The following GAS5 variants were observed in gnomAD, a reference collection of about 807,000 sequenced individuals.
GAS5 encodes the protein growth arrest specific 5.
chr1:173,866,127 C>T (rs191700140), intron 4 of GAS5: 5 of 496,214 alleles, frequency 1.0e-5, no homozygotes, highest in East Asian at 5.6e-5. Context: ...CCATTTGTGC[C>T]GTAGGAAGTT....
At chr1:173,867,985 A>G (rs1374645716), upstream of GAS5, 1 of 329,848 alleles carries the variant, frequency 3.0e-6, no homozygotes, top group South Asian at 2.4e-5. Flanking sequence ...TCCTACCTCG[A>G]AAAGACAGTA....
chr1:173,867,046 A>T, upstream of GAS5: 1 of 730,912 alleles, frequency 1.4e-6, no homozygotes, highest in South Asian at 1.4e-5. Context: ...CACCATACCT[A>T]AAGAGATCAG....
chr1:173,864,785 G>A (rs1238443933), intron 6 of GAS5: 1 of 517,910 alleles, frequency 1.9e-6, no homozygotes, highest in Non-Finnish European at 3.9e-6. Context: ...TTATAGAATG[G>A]CTATATTCCC....
exon 2 of GAS5, chr1:173,866,781 T>G (rs13476): frequency 1.3e-6 from 1 of 765,168 alleles, no homozygotes; most frequent in African/African-American, 1.7e-5. Flanking sequence ...ATTCTCATCC[T>G]TCCTTGGGGA....
chr1:173,866,550 A>G, exon 3 of GAS5: 1 of 742,540 alleles, frequency 1.3e-6, no homozygotes, highest in Non-Finnish European at 2.5e-6. Context: ...GGCTTGAGTT[A>G]GGCTTGCTCT....
chr1:173,866,201 T>A, exon 4 of GAS5: 1 of 477,852 alleles, frequency 2.1e-6, no homozygotes, highest in Non-Finnish European at 4.2e-6. Context: ...GCTTTCTGTC[T>A]AATGCCTGTA....
At position 173,864,776 on chromosome 1, in the gene GAS5, T is replaced by C. The variant is rs1185395760; in HGVS notation, n.277-472A>G. On this transcript the variant is annotated intron_variant and non_coding_transcript_variant, in intron 6 of 7. Transcript: ENST00000651080. ...GGAGTAATCCAAAATCTCCAAACAT[T>C]ATAGAATGGCTATATTCCCCTTTTC... The C allele has an allele frequency of 1.2e-5, 6 of 517,102 alleles. No homozygotes were observed. The East Asian group carries it at 2.7e-4, about 23-fold the overall frequency. 32.0% of individuals were successfully genotyped at this position (517,102 alleles called of 1,614,324 possible). A position where few individuals can be genotyped will look rare whatever the true frequency, so the allele number is the denominator to read the frequency against.
intron 3 of GAS5, chr1:173,866,222 A>G (rs1009037298): frequency 4.1e-6 from 2 of 484,830 alleles, no homozygotes; most frequent in Non-Finnish European, 8.3e-6. Context: ...ATTTTAATAC[A>G]AAATTGTCAG....
intron 6 of GAS5, chr1:173,864,518 T>C: frequency 2.3e-6 from 1 of 442,664 alleles, no homozygotes; most frequent in Non-Finnish European, 4.5e-6. Context: ...TGTTTGAAGA[T>C]GAAAAATAAT....
At chr1:173,867,190 A>T, upstream of GAS5, 1 of 560,878 alleles carries the variant, frequency 1.8e-6, no homozygotes, top group East Asian at 2.9e-5. Flanking sequence ...GGATACACTT[A>T]ATGTTACAAA....
chr1:173,864,311 G>A (rs1572007884), intron 6 of GAS5: 1 of 514,436 alleles, frequency 1.9e-6, no homozygotes. Context: ...AACCCTGAAA[G>A]CGAAGCCAAC....
upstream of GAS5, chr1:173,867,884 G>A (rs889139186): frequency 7.2e-6 from 3 of 419,432 alleles, no homozygotes; most frequent in Non-Finnish European, 9.7e-6. Flanking sequence ...AGAAGTCCCA[G>A]TCAATTCAGG....
chr1:173,868,178 C>T (rs937698297), upstream of GAS5: 39 of 156,712 alleles, frequency 2.5e-4, 1 homozygote, highest in Non-Finnish European at 5.5e-4. Context: ...TGGGCAGAGA[C>T]ATGACCGTCC....
intron 6 of GAS5, chr1:173,864,653 T>C (rs560745123): frequency 2.5e-6 from 1 of 396,326 alleles, no homozygotes; most frequent in East Asian, 7.2e-5. Flanking sequence ...CCTTAAAAAT[T>C]TCCTTCAAAG....
chr1:173,867,455 T>G, upstream of GAS5: 1 of 360,056 alleles, frequency 2.8e-6, no homozygotes, highest in South Asian at 2.1e-5. Context: ...GAGGTTGCCA[T>G]TAACCGATGT....
chr1:173,864,854 T>C, intron 6 of GAS5: 1 of 519,206 alleles, frequency 1.9e-6, no homozygotes, highest in Non-Finnish European at 3.8e-6. Context: ...AGCGAAAGAC[T>C]TAATATTGCT....
upstream of GAS5, chr1:173,867,974 C>T (rs1655084640): frequency 3.6e-5 from 12 of 334,036 alleles, 1 homozygote; most frequent in Non-Finnish European, 2.4e-5. Context: ...CAGGAGTCGA[C>T]TCCTACCTCG....
intron 6 of GAS5, chr1:173,865,285 G>A (rs1654390046): frequency 2.3e-6 from 1 of 426,362 alleles, no homozygotes; most frequent in Non-Finnish European, 4.7e-6. Flanking sequence ...CTCCATACCT[G>A]TAGAAATTTA....
chr1:173,865,529 A>T, exon 6 of GAS5: 1 of 514,278 alleles, frequency 1.9e-6, no homozygotes, highest in Non-Finnish European at 3.9e-6. Context: ...TCATCCATGG[A>T]TAAAAACGTT....
Sources: gnomAD v4.1 joint callset for allele counts on GRCh38, gnomAD v4.1.1 for gene constraint, MANE v1.5 for transcripts, NCBI Gene and HGNC (gene_info 2026-07-23, HGNC 2026-07-21) for gene names.